The following COL14A1 variants were observed in gnomAD, a reference collection of about 807,000 sequenced individuals.
The protein encoded by COL14A1 is collagen alpha-1(XIV) chain.
COL14A1 carries 136 observed loss-of-function variants against 230.3 expected under a neutral mutation model. That is an observed-to-expected ratio of 0.59 (90% CI 0.51 to 0.68). COL14A1 has a LOEUF of 0.68. Among genes scored for constraint, COL14A1 ranks in the 30% least tolerant of loss-of-function variants. The pLI is 0.00. For missense variants in COL14A1, 1,976 were observed against 2,215.8 expected (o/e 0.89, Z 2.17); for synonymous variants, 792 against 784.1 (o/e 1.01, Z -0.17).
chr8:120,149,656 A>G (rs1356300483), intron 2 of COL14A1, among the ~76,000 whole-genome samples: 1 of 151,740 alleles, frequency 6.6e-6, no homozygotes, highest in East Asian at 1.9e-4. Context: ...TGTCTACCAG[A>G]TGAATATTGT....
At chr8:120,186,382 G>A (rs780479490) in intron 5 of COL14A1, among the ~76,000 whole-genome samples, 2 of 152,150 alleles carry the variant, frequency 1.3e-5, no homozygotes, top group African/African-American at 2.4e-5. Context: ...ATCGTTCTGT[G>A]GCCACAGTAT....
chr8:120,220,833 G>A (rs1817911618), intron 14 of COL14A1, among the ~76,000 whole-genome samples: 1 of 152,140 alleles, frequency 6.6e-6, no homozygotes, highest in South Asian at 2.1e-4. Flanking sequence ...TGGTGATAAT[G>A]ATAATGATGG....
intron 1 of COL14A1, 86 bp from the exon 2 acceptor site, chr8:120,147,720 A>G: frequency 1.6e-6 from 1 of 644,400 alleles, no homozygotes; most frequent in Non-Finnish European, 2.7e-6. Flanking sequence ...ATACTAATCC[A>G]TGTTGGCTTA....
At chr8:120,129,989 C>T (rs2130374860) in intron 1 of COL14A1, among the ~76,000 whole-genome samples, 1 of 152,272 alleles carries the variant, frequency 6.6e-6, no homozygotes, top group Admixed American at 6.5e-5. Context: ...AGCTGGAGAA[C>T]CTCAATAAGA....
At chr8:120,325,840 T>C (rs1018493301) in intron 40 of COL14A1, among the ~76,000 whole-genome samples, 2 of 152,148 alleles carry the variant, frequency 1.3e-5, no homozygotes, top group African/African-American at 2.4e-5. Flanking sequence ...ACACACATCT[T>C]AGATTAGCTC....
At chr8:120,289,549 A>C in intron 33 of COL14A1, 59 bp from the exon 34 acceptor site, 1 of 1,425,382 alleles carries the variant, frequency 7.0e-7, no homozygotes, top group Non-Finnish European at 9.7e-7. Context: ...ACAATTATAC[A>C]AATTTGGTTG....
chr8:120,303,373 G>T (rs1218681801), intron 36 of COL14A1, among the ~76,000 whole-genome samples: 1 of 152,100 alleles, frequency 6.6e-6, no homozygotes, highest in Non-Finnish European at 1.5e-5. Context: ...TTGGCTGCAG[G>T]TTTGTCATAT....
At chr8:120,152,469 C>CAAAAAAAAAA (rs397891260) in intron 2 of COL14A1, among the ~76,000 whole-genome samples, 7 of 59,594 alleles carry the variant, frequency 1.2e-4, no homozygotes, top group African/African-American at 1.5e-4. Context: ...GATTCCATCT[C>CAAAAAAAAAA]AAAAAAAAAA....
intron 5 of COL14A1, among the ~76,000 whole-genome samples, chr8:120,168,454 A>G (rs1174113962): frequency 6.6e-6 from 1 of 152,098 alleles, no homozygotes; most frequent in Non-Finnish European, 1.5e-5. Flanking sequence ...CCTTTCTCAG[A>G]ATGGTGCATA....
At chr8:120,310,454 T>G (rs1586852085) in intron 37 of COL14A1, among the ~76,000 whole-genome samples, 1 of 152,202 alleles carries the variant, frequency 6.6e-6, no homozygotes, top group East Asian at 1.9e-4. Flanking sequence ...TTTGGATTCC[T>G]CCTCCTCCAC....
At chr8:120,198,411 C>G (rs1288654842) in intron 7 of COL14A1, among the ~76,000 whole-genome samples, 4 of 152,068 alleles carry the variant, frequency 2.6e-5, no homozygotes, top group Non-Finnish European at 1.5e-5. Context: ...ATCTTTGGCT[C>G]ACAGTATTTT....
intron 40 of COL14A1, among the ~76,000 whole-genome samples, chr8:120,327,845 A>C (rs1192772506): frequency 6.6e-6 from 1 of 151,258 alleles, no homozygotes; most frequent in Non-Finnish European, 1.5e-5. Context: ...GCTCACTGCA[A>C]CCTCCACCTC....
At chr8:120,341,248 A>C in intron 42 of COL14A1, 77 bp from the exon 43 acceptor site, 1 of 1,423,748 alleles carries the variant, frequency 7.0e-7, no homozygotes, top group African/African-American at 1.4e-5. Flanking sequence ...TCTTAATAAA[A>C]TAAGAAAAGA....
Position 120,213,951 on chromosome 8 carries a change from A to G in COL14A1, c.1597+1374A>G, listed in dbSNP as rs141989003. On this transcript the variant is annotated intron_variant, in intron 13 of 47. Coordinates refer to ENST00000297848, the MANE Select transcript of COL14A1 (RefSeq NM_021110.4). ...TCTCTCTAGCACCTTAATTATTAAG[A>G]GATTCACTAACTCCTACAAGATCTT... The G allele has an allele frequency of 2.7e-4, 115 of 425,536 alleles. No individual in the cohort carries two copies. In the East Asian group the frequency reaches 8.2e-3, roughly 30 times the overall value. 26.4% of individuals were successfully genotyped at this position (425,536 alleles called of 1,614,324 possible). A position where few individuals can be genotyped will look rare whatever the true frequency, so the allele number is the denominator to read the frequency against.
chr8:120,247,797 A>G (rs1563694747), intron 21 of COL14A1, 62 bp downstream of exon 21: 2 of 1,570,496 alleles, frequency 1.3e-6, no homozygotes, highest in Non-Finnish European at 1.7e-6. Flanking sequence ...GTCTTTTAAG[A>G]TAAATTGTTT....
chr8:120,134,643 A>G (rs1814649507), intron 1 of COL14A1, among the ~76,000 whole-genome samples: 1 of 152,192 alleles, frequency 6.6e-6, no homozygotes, highest in African/African-American at 2.4e-5. Context: ...TGATGGAAAA[A>G]GAGCCACATA....
At chr8:120,152,485 A>G (rs1051982487) in intron 2 of COL14A1, among the ~76,000 whole-genome samples, 10 of 151,458 alleles carry the variant, frequency 6.6e-5, no homozygotes, top group Non-Finnish European at 1.3e-4. Flanking sequence ...AAAAAAAAAA[A>G]AAAAAAAAAG....
rs377566608 is a variant in COL14A1 at position 120,367,173 on chromosome 8, C to A, written c.5080C>A (p.Leu1694Ile). ...GVPGTPGERG[L>I]TGIKGEKGNP... The stretch of plus-strand genomic sequence containing the variant: ...TTTTTAAAAATTATTTTAAACAGGT[C>A]TAACTGGTATCAAAGGAGAAAAAGG... The change falls in exon 46 of 48, where the codon CTA (leucine) becomes ATA (isoleucine). Residue 1694 changes from leucine (L) to isoleucine (I), a missense_variant and splice_region_variant. Around this residue, in one of 3 missense-constraint regions of COL14A1, gnomAD observed 1,791 missense variants for 2,019.5 expected, o/e 0.89. Transcript: ENST00000297848. 4 of 1,610,616 alleles carry A rather than the reference C, an allele frequency of 2.5e-6. No homozygotes were observed. The highest frequency in any genetic ancestry group is 1.3e-5 in the African/African-American group (1 of 74,748).
In COL14A1 at chr8:120,278,708, T is replaced by C. The variant is rs1435233840; in HGVS notation, c.3481+130T>C. On this transcript the variant is annotated intron_variant, in intron 28 of 47. Transcript: ENST00000297848. ...ATTTCTTCATATTAACTAGACAGTG[T>C]AATTTTTAAAATACTTTCTGGTATA... is the stretch of plus-strand genomic sequence containing the variant. The C allele has an allele frequency of 7.6e-6, 7 of 921,432 alleles. No homozygotes were observed. The African/African-American group carries it at 1.2e-4, about 16-fold the overall frequency. 57.1% of individuals were successfully genotyped at this position (921,432 alleles called of 1,614,324 possible).
Sources: gnomAD v4.1 joint callset for allele counts (sites outside exome capture counted in the v4.1 genomes callset) on GRCh38, gnomAD v4.1.1 for gene constraint, gnomAD v4.1.1 regional missense constraint, MANE v1.5 for transcripts, NCBI Gene and HGNC (gene_info 2026-07-23, HGNC 2026-07-21) for gene names.